SYN3: variants seen among roughly 807,000 people sequenced by gnomAD.
SYN3 encodes the protein synapsin III, also known as synapsin-3.
In SYN3, 35 loss-of-function variants were observed where a neutral mutation model predicts 65.8. The ratio of observed to expected loss-of-function variants is 0.53; its 90% CI spans 0.41 to 0.70. SYN3 has a LOEUF of 0.70. Among genes scored for constraint, SYN3 ranks in the 30% least tolerant of loss-of-function variants. The pLI, the probability that SYN3 is intolerant of heterozygous loss-of-function variation, is 0.00. For synonymous variants in SYN3, 270 were observed against 292.9 expected, an observed-to-expected ratio of 0.92 and a Z score of 0.80; for missense variants, 680 against 749.0, an observed-to-expected ratio of 0.91 and a Z score of 1.08.
chr22:33,026,023 A>AG (rs757508901), intron 1 of SYN3, among the ~76,000 whole-genome samples: 6 of 152,316 alleles, frequency 3.9e-5, no homozygotes, highest in South Asian at 2.1e-4. Flanking sequence ...GAATCCAAGG[A>AG]GCAAGTGAGA....
intron 4 of SYN3, among the ~76,000 whole-genome samples, chr22:32,875,715 T>C (rs1048259546): frequency 1.3e-5 from 2 of 152,136 alleles, no homozygotes; most frequent in Non-Finnish European, 2.9e-5. Flanking sequence ...GATGTGTCTA[T>C]AATACAGGGA....
At chr22:32,817,588 G>A (rs771793388) in intron 6 of SYN3, among the ~76,000 whole-genome samples, 2 of 152,156 alleles carry the variant, frequency 1.3e-5, no homozygotes, top group Non-Finnish European at 2.9e-5. Context: ...GTGCTTTGTA[G>A]GGACCAGAAG....
chr22:33,030,300 G>T (rs1055468761), intron 1 of SYN3, among the ~76,000 whole-genome samples: 1 of 152,218 alleles, frequency 6.6e-6, no homozygotes, highest in Non-Finnish European at 1.5e-5. Context: ...GAGACAAAGG[G>T]GACCTTCTGG....
intron 6 of SYN3, among the ~76,000 whole-genome samples, chr22:32,826,757 G>T (rs941193259): frequency 6.6e-6 from 1 of 152,144 alleles, no homozygotes; most frequent in African/African-American, 2.4e-5. Context: ...AGGCACCAGG[G>T]CGTCCACTAT....
intron 2 of SYN3, among the ~76,000 whole-genome samples, chr22:32,981,046 G>T (rs1021350756): frequency 8.6e-5 from 13 of 151,156 alleles, no homozygotes; most frequent in Non-Finnish European, 1.5e-5. Flanking sequence ...GTAGAGATGA[G>T]GTTTCACCAT....
At chr22:32,668,782 TC>T in intron 6 of SYN3, among the ~76,000 whole-genome samples, 1 of 152,114 alleles carries the variant, frequency 6.6e-6, no homozygotes, top group Admixed American at 6.6e-5. Flanking sequence ...CTTCACATTG[TC>T]CCCGTGCACT....
At chr22:32,778,676 C>A (rs2045964710) in intron 6 of SYN3, among the ~76,000 whole-genome samples, 1 of 152,158 alleles carries the variant, frequency 6.6e-6, no homozygotes, top group Non-Finnish European at 1.5e-5. Context: ...AGGGTTTACG[C>A]TGAGTGAAGC....
chr22:32,518,514 T>C (rs780055556), intron 12 of SYN3, 180 bp from the exon 13 acceptor site: 3 of 760,752 alleles, frequency 3.9e-6, no homozygotes, highest in African/African-American at 3.4e-5. Context: ...GATACATCTG[T>C]ATAATGGAAT....
intron 6 of SYN3, among the ~76,000 whole-genome samples, chr22:32,834,222 G>A (rs933758513): frequency 5.9e-5 from 9 of 151,852 alleles, no homozygotes; most frequent in African/African-American, 2.2e-4. Context: ...GCACGATCTC[G>A]GCTCACTGCA....
At chr22:32,996,377 G>A (rs140997333) in intron 2 of SYN3, among the ~76,000 whole-genome samples, 1,725 of 152,128 alleles carry the variant, frequency 0.011, 14 homozygotes, top group Middle Eastern at 0.037. Flanking sequence ...AGAGGAACTC[G>A]GCACTCTCAC....
intron 6 of SYN3, among the ~76,000 whole-genome samples, chr22:32,826,272 T>C (rs983281098): frequency 1.3e-5 from 2 of 151,940 alleles, no homozygotes; most frequent in African/African-American, 4.8e-5. Context: ...CTACTAAAAA[T>C]ACAAAAAATT....
intron 7 of SYN3, among the ~76,000 whole-genome samples, chr22:32,574,905 T>C (rs1430308068): frequency 6.6e-6 from 1 of 152,248 alleles, no homozygotes; most frequent in Non-Finnish European, 1.5e-5. Context: ...TCCAAAATAA[T>C]AAGCAAAATA....
intron 3 of SYN3, among the ~76,000 whole-genome samples, chr22:32,963,579 C>T (rs1439836973): frequency 6.6e-6 from 1 of 152,118 alleles, no homozygotes; most frequent in Non-Finnish European, 1.5e-5. Context: ...AGAAATAACA[C>T]TTTTGGACAC....
intron 6 of SYN3, among the ~76,000 whole-genome samples, chr22:32,702,625 A>G (rs745438872): frequency 6.6e-6 from 1 of 152,158 alleles, no homozygotes; most frequent in Non-Finnish European, 1.5e-5. Flanking sequence ...ACATATGTTA[A>G]CCTTTAGCAT....
chr22:32,545,680 C>A (rs2058327160), intron 7 of SYN3, among the ~76,000 whole-genome samples: 1 of 152,138 alleles, frequency 6.6e-6, no homozygotes, highest in Non-Finnish European at 1.5e-5. Flanking sequence ...CTTGCTTCAG[C>A]CTCTCAAGTA....
chr22:32,543,233 A>G (rs1435433549), intron 7 of SYN3, among the ~76,000 whole-genome samples: 1 of 152,172 alleles, frequency 6.6e-6, no homozygotes, highest in Non-Finnish European at 1.5e-5. Flanking sequence ...CAGGATTGTG[A>G]GCAGGCAGGC....
intron 6 of SYN3, among the ~76,000 whole-genome samples, chr22:32,783,553 TC>T (rs1460611582): frequency 2.0e-5 from 3 of 152,154 alleles, no homozygotes; most frequent in Non-Finnish European, 4.4e-5. Context: ...TTTTTAATCT[TC>T]GGATTTAAGG....
chr22:32,578,114 C>A (rs1032812998), intron 7 of SYN3, among the ~76,000 whole-genome samples: 3 of 152,220 alleles, frequency 2.0e-5, no homozygotes, highest in African/African-American at 4.8e-5. Flanking sequence ...CTTCAATACA[C>A]GAATGAATGA....
chr22:32,663,384 C>T (rs1370626519), intron 6 of SYN3, among the ~76,000 whole-genome samples: 2 of 151,786 alleles, frequency 1.3e-5, no homozygotes, highest in Admixed American at 6.6e-5. Context: ...CTGCAAGCTC[C>T]GCCTCCCGGG....
Sources: allele counts gnomAD v4.1 joint callset (sites outside exome capture counted in the v4.1 genomes callset), GRCh38; gene constraint gnomAD v4.1.1; transcripts MANE v1.5; gene names NCBI Gene and HGNC (gene_info 2026-07-23, HGNC 2026-07-21).